Variants in STEAP4 observed in about 807,000 individuals in gnomAD.
STEAP4 encodes STEAP4 metalloreductase.
In STEAP4, 36 loss-of-function variants were observed where a neutral mutation model predicts 43.6. The observed-to-expected ratio is 0.83, with a 90% CI of 0.63 to 1.09. The LOEUF (loss-of-function observed/expected upper bound fraction) is 1.09. STEAP4 is among the 50% of genes least tolerant of loss of function. The pLI is 0.00. For missense variants in STEAP4, 495 were observed against 546.5 expected, an observed-to-expected ratio of 0.91 and a Z score of 0.94; for synonymous variants, 191 against 196.7, an observed-to-expected ratio of 0.97 and a Z score of 0.24.
intron 1 of STEAP4, among the ~76,000 whole-genome samples, chr7:88,285,049 G>C (rs950146601): frequency 1.5e-4 from 23 of 151,988 alleles, no homozygotes; most frequent in African/African-American, 5.1e-4. Flanking sequence ...AGAAATCAGA[G>C]GTACAGAAAT....
intron 1 of STEAP4, among the ~76,000 whole-genome samples, chr7:88,297,023 G>T (rs1484259481): frequency 6.6e-6 from 1 of 152,122 alleles, no homozygotes; most frequent in Non-Finnish European, 1.5e-5. Context: ...TAGCTTTGTA[G>T]TTAGAAGTAG....
chr7:88,293,708 G>C (rs573404665), intron 1 of STEAP4, among the ~76,000 whole-genome samples: 4 of 152,008 alleles, frequency 2.6e-5, no homozygotes, highest in Admixed American at 6.6e-5. Flanking sequence ...ATTTTTTGCT[G>C]AATTGCTTTC....
chr7:88,300,754 G>A (rs1853018813), intron 1 of STEAP4, among the ~76,000 whole-genome samples: 1 of 152,080 alleles, frequency 6.6e-6, no homozygotes, highest in South Asian at 2.1e-4. Context: ...CCAAGACTCT[G>A]GAATGTGACC....
At chr7:88,283,690 A>G (rs1328827892) in intron 2 of STEAP4, 124 bp downstream of exon 2, 2 of 1,061,816 alleles carry the variant, frequency 1.9e-6, no homozygotes, top group African/African-American at 1.6e-5. Context: ...TTCACAGCAC[A>G]TATTAGCAAA....
intron 1 of STEAP4, among the ~76,000 whole-genome samples, chr7:88,299,382 G>A (rs982814831): frequency 1.3e-5 from 2 of 152,200 alleles, no homozygotes; most frequent in Non-Finnish European, 2.9e-5. Flanking sequence ...CAAGGTCAGG[G>A]ATTCAGTCGT....
At chr7:88,305,687 T>C (rs936564089) in intron 1 of STEAP4, among the ~76,000 whole-genome samples, 15 of 152,204 alleles carry the variant, frequency 9.9e-5, no homozygotes, top group Non-Finnish European at 1.8e-4. Context: ...TGCATTATTA[T>C]GAAAAAAGTA....
At position 88,283,913 on chromosome 7, in the gene STEAP4, C is replaced by A. The variant is rs1251590567; in HGVS notation, c.357G>T (p.Glu119Asp). ...KINQYPESNA[E>D]YLAHLVPGAH... The stretch of plus-strand genomic sequence containing the variant: ...CTCCTGGCACCAAATGAGCAAGGTA[C>A]TCTGCATTAGATTCTGGATATTGAT... Residue 119 changes from glutamate (E) to aspartate (D), a missense_variant, in exon 2 of 5, where the codon GAG (glutamate) becomes GAT (aspartate). Glu to Asp is a conservative substitution (Grantham distance 45). Coordinates refer to ENST00000380079, the MANE Select transcript of STEAP4 (RefSeq NM_024636.4). The A allele has an allele frequency of 1.2e-6, 2 of 1,614,046 alleles. No homozygotes were observed. Among genetic ancestry groups the A allele is most frequent in the Non-Finnish European group, 1.7e-6 (2 of 1,180,030 alleles).
chr7:88,303,202 A>C (rs566336701), intron 1 of STEAP4, among the ~76,000 whole-genome samples: 34 of 145,846 alleles, frequency 2.3e-4, no homozygotes, highest in South Asian at 6.5e-4. Flanking sequence ...AAAAAAAAAA[A>C]AAAAAAACTC....
chr7:88,301,558 T>G (rs1477056365), intron 1 of STEAP4, among the ~76,000 whole-genome samples: 1 of 152,060 alleles, frequency 6.6e-6, no homozygotes, highest in Non-Finnish European at 1.5e-5. Flanking sequence ...ATTATAGGTG[T>G]GAACCACTGC....
rs557020173 is a variant in STEAP4 at position 88,305,502 on chromosome 7, A to G, written c.-3+1290T>C. 1.1e-4 allele frequency among the ~76,000 whole-genome samples: 17 copies of G among 152,352 alleles called. No individual in the cohort carries two copies. The South Asian group carries it at 1.9e-3, about 17-fold the overall frequency. On this transcript the variant is annotated intron_variant, in intron 1 of 4. Coordinates refer to ENST00000380079, the MANE Select transcript of STEAP4 (RefSeq NM_024636.4). The stretch of plus-strand genomic sequence containing the variant: ...AAAAATGTTCTCTCATGTGAGTGAC[A>G]TTTATATGACTGCCATTTGTAGGGA...
intron 1 of STEAP4, among the ~76,000 whole-genome samples, chr7:88,287,694 G>A (rs1268660843): frequency 1.3e-5 from 2 of 152,272 alleles, no homozygotes; most frequent in African/African-American, 4.8e-5. Flanking sequence ...CCAGTGCAGG[G>A]TCTGCAAAAT....
intron 1 of STEAP4, among the ~76,000 whole-genome samples, chr7:88,287,857 G>A (rs1484113834): frequency 6.6e-6 from 1 of 152,204 alleles, no homozygotes; most frequent in African/African-American, 2.4e-5. Flanking sequence ...AGGCAGACTG[G>A]TCCCCAGGCA....
rs1852434577 is a variant in STEAP4, at chr7:88,271,191, C to T, written c.*8207G>A. 6.6e-6 allele frequency: 1 copy of T among 152,030 alleles called. No individual in the cohort carries two copies. Among genetic ancestry groups the T allele is most frequent in the Admixed American group, 6.5e-5 (1 of 15,268 alleles). 9.4% of individuals were successfully genotyped at this position (152,030 alleles called of 1,614,324 possible). A position where few individuals can be genotyped will look rare whatever the true frequency, so the allele number is the denominator to read the frequency against. ...TTTGTATCTTTTAACAAATTTCTTC[C>T]TATCCCCCATTACCTTTTAAATTAA... On this transcript the variant is annotated 3_prime_UTR_variant, in exon 5 of 5. Transcript: ENST00000380079.
At chr7:88,305,275 A>G (rs944799402) in intron 1 of STEAP4, among the ~76,000 whole-genome samples, 4 of 152,226 alleles carry the variant, frequency 2.6e-5, no homozygotes, top group Admixed American at 6.5e-5. Context: ...TTGGAGCCTG[A>G]TAAATAGGAA....
chr7:88,301,659 T>G (rs907016448), intron 1 of STEAP4, among the ~76,000 whole-genome samples: 1 of 151,872 alleles, frequency 6.6e-6, no homozygotes, highest in African/African-American at 2.4e-5. Flanking sequence ...TTCTCCCACC[T>G]CAGCCTCCTG....
chr7:88,284,067 G>T lies in STEAP4; in HGVS notation c.203C>A (p.Ser68Ter), dbSNP rs1182206656. Residue 68 changes from serine to a stop codon, truncating the protein, a stop_gained, in exon 2 of 5, where the codon TCA becomes TAA. Coordinates refer to ENST00000380079, the MANE Select transcript of STEAP4 (RefSeq NM_024636.4). LOFTEE classifies it high-confidence loss of function. ...LPSGAEVLSY[S>*]EAAKKSGIII... is the part of the protein sequence containing the mutation. Reference sequence around the variant, plus strand: ...GATGCCAGACTTCTTGGCTGCTTCTGAATAGCTCAAGACTTCTGCACCACT... The same window carrying T: ...GATGCCAGACTTCTTGGCTGCTTCTTAATAGCTCAAGACTTCTGCACCACT... 1 of 1,614,090 alleles carries T rather than the reference G, an allele frequency of 6.2e-7. No individual in the cohort carries two copies. Among genetic ancestry groups the T allele is most frequent in the Admixed American group, 1.7e-5 (1 of 59,990 alleles).
intron 1 of STEAP4, among the ~76,000 whole-genome samples, chr7:88,300,539 C>A (rs186221237): frequency 2.7e-3 from 410 of 152,332 alleles, no homozygotes; most frequent in Non-Finnish European, 4.3e-3. Flanking sequence ...GCCACTGTGC[C>A]TGGCCTAGTT....
chr7:88,285,770 AAAAAG>A (rs1852721681), intron 1 of STEAP4, among the ~76,000 whole-genome samples: 2 of 150,992 alleles, frequency 1.3e-5, no homozygotes, highest in Middle Eastern at 3.4e-3. Context: ...AAAAAAAAAA[AAAAAG>A]AAAGAAAGAA....
At position 88,283,987 on chromosome 7, in the gene STEAP4, C is replaced by T. The variant is rs369756283; in HGVS notation, c.283G>A (p.Val95Ile). The T allele has an allele frequency of 6.2e-7, 1 of 1,614,016 alleles. No homozygotes were observed. The highest frequency in any genetic ancestry group is 2.2e-5 in the East Asian group (1 of 44,876). Residue 95 changes from valine to isoleucine, a missense_variant, in exon 2 of 5, where the codon GTT (valine) becomes ATT (isoleucine). By Grantham distance (29) the Val-to-Ile change is conservative. Transcript: ENST00000380079. ...TCTACCAATATTTTTCCATTGAGAA[C>T]CTCAGTTAATTCTGTGAGAAAATCA... Reference protein sequence around the residue: ...HYDFLTELTEVLNGKILVDIS... With the variant: ...HYDFLTELTEILNGKILVDIS...
Sources: allele counts gnomAD v4.1 joint callset (sites outside exome capture counted in the v4.1 genomes callset), GRCh38; gene constraint gnomAD v4.1.1; transcripts MANE v1.5; gene names NCBI Gene and HGNC (gene_info 2026-07-23, HGNC 2026-07-21).